The following BNC2 variants were observed in gnomAD, a reference collection of about 807,000 sequenced individuals.
BNC2 encodes basonuclin zinc finger protein 2, also known as zinc finger protein basonuclin-2.
BNC2 carries 20 observed loss-of-function variants against 76.3 expected under a neutral mutation model. That is an observed-to-expected ratio of 0.26 (90% confidence interval 0.18 to 0.38). The LOEUF is 0.38. BNC2 is among the 10% of genes least tolerant of loss of function. The probability of loss-of-function intolerance (pLI) is 1.00; values close to 1 mark genes in which losing one functional copy is unlikely to be tolerated. For missense variants in BNC2, 1,382 were observed against 1,399.8 expected (o/e 0.99, Z 0.20); for synonymous variants, 582 against 514.8 (o/e 1.13, Z -1.77).
chr9:16,490,608 C>T (rs537026039), intron 5 of BNC2, among the ~76,000 whole-genome samples: 2 of 152,224 alleles, frequency 1.3e-5, no homozygotes, highest in Non-Finnish European at 2.9e-5. Flanking sequence ...AAGGACACAT[C>T]TGTTTTCCAT....
chr9:16,733,841 G>A (rs1008193528), intron 2 of BNC2, among the ~76,000 whole-genome samples: 4 of 150,988 alleles, frequency 2.6e-5, no homozygotes, highest in South Asian at 2.1e-4. Context: ...CCGAGATCAC[G>A]CCACTGCACT....
At chr9:16,560,134 G>A (rs929827490) in intron 4 of BNC2, among the ~76,000 whole-genome samples, 5 of 152,176 alleles carry the variant, frequency 3.3e-5, no homozygotes, top group Non-Finnish European at 7.3e-5. Flanking sequence ...CAGAGTTTCT[G>A]ATTCACTGGG....
At chr9:16,527,666 G>T (rs1238594834) in intron 5 of BNC2, among the ~76,000 whole-genome samples, 2 of 152,114 alleles carry the variant, frequency 1.3e-5, no homozygotes, top group African/African-American at 4.8e-5. Flanking sequence ...ATGGTGACAG[G>T]TACACTACCT....
rs144463382 is a variant in BNC2, at chr9:16,529,534, A to C, written c.669+22996T>G. ...AAACCAATAACACATATTTAAAAGG[A>C]AGCTTTGATATATTTTGACATCTTC... On this transcript the variant is annotated intron_variant, in intron 5 of 6. Transcript: ENST00000380672. 1.5e-4 allele frequency among the ~76,000 whole-genome samples: 23 copies of C among 152,288 alleles called. No homozygotes were observed. The East Asian group carries it at 4.2e-3, about 28-fold the overall frequency.
rs1820990711 is a variant in BNC2 at position 16,435,578 on chromosome 9, G to C, written c.2616C>G (p.Phe872Leu). 1 of 1,614,048 alleles carries C rather than the reference G, an allele frequency of 6.2e-7. No homozygotes were observed. Among genetic ancestry groups the C allele is most frequent in the Non-Finnish European group, 8.5e-7 (1 of 1,180,018 alleles). The change falls in exon 6 of 7, where the codon TTC (phenylalanine) becomes TTG (leucine). Residue 872 changes from phenylalanine (F) to leucine (L), a missense_variant. Phe to Leu is a conservative substitution (Grantham distance 22, BLOSUM62 0). Transcript: ENST00000380672. ...ACCTGTCTCGGCTTCGGCGAGAGGG[G>C]AATGCAGCATTGCAACCAGCCACTG... ...VCTVAGCNAA[F>L]PSRRSRDRHS...
At chr9:16,441,962 C>T (rs976992214) in intron 5 of BNC2, among the ~76,000 whole-genome samples, 7 of 152,182 alleles carry the variant, frequency 4.6e-5, no homozygotes, top group African/African-American at 1.7e-4. Context: ...CCAACTCATG[C>T]TGGGCCACTG....
intron 4 of BNC2, among the ~76,000 whole-genome samples, chr9:16,565,559 C>T (rs1750985952): frequency 6.6e-6 from 1 of 152,068 alleles, no homozygotes; most frequent in Non-Finnish European, 1.5e-5. Context: ...GCCTGTAATC[C>T]AGCACTCTGG....
intron 3 of BNC2, among the ~76,000 whole-genome samples, chr9:16,671,818 G>T (rs906375194): frequency 6.6e-6 from 1 of 152,194 alleles, no homozygotes; most frequent in Non-Finnish European, 1.5e-5. Context: ...GTTCTGAAAG[G>T]CTTACAGAAA....
chr9:16,791,196 G>C (rs1185523702), intron 1 of BNC2, among the ~76,000 whole-genome samples: 1 of 151,964 alleles, frequency 6.6e-6, no homozygotes, highest in African/African-American at 2.4e-5. Flanking sequence ...CGAGTAGCTG[G>C]GACTACAGGC....
At chr9:16,661,486 G>GT (rs1822109643) in intron 3 of BNC2, among the ~76,000 whole-genome samples, 2 of 151,926 alleles carry the variant, frequency 1.3e-5, no homozygotes, top group South Asian at 4.2e-4. Context: ...GCTAAGGTAT[G>GT]TATTATAGAA....
chr9:16,537,794 C>A (rs2132313543), intron 5 of BNC2, among the ~76,000 whole-genome samples: 1 of 152,306 alleles, frequency 6.6e-6, no homozygotes, highest in African/African-American at 2.4e-5. Flanking sequence ...GAAACCACAA[C>A]TTATGCTCAG....
chr9:16,760,259 CA>C (rs1165171462), intron 1 of BNC2, among the ~76,000 whole-genome samples: 1 of 152,134 alleles, frequency 6.6e-6, no homozygotes, highest in Admixed American at 6.5e-5. Context: ...CACTGCTGTT[CA>C]GCAACTCTCA....
At chr9:16,559,762 C>T (rs374224302) in intron 4 of BNC2, among the ~76,000 whole-genome samples, 19 of 152,338 alleles carry the variant, frequency 1.2e-4, no homozygotes, top group African/African-American at 4.3e-4. Context: ...CACCACTCCT[C>T]CTAAAATGCT....
chr9:16,804,380 C>T (rs1016075050), intron 1 of BNC2, among the ~76,000 whole-genome samples: 1 of 152,182 alleles, frequency 6.6e-6, no homozygotes, highest in Non-Finnish European at 1.5e-5. Context: ...AACTGACTTC[C>T]TCGTGGTCAC....
At chr9:16,869,161 T>C (rs997956255) in intron 1 of BNC2, among the ~76,000 whole-genome samples, 4 of 152,180 alleles carry the variant, frequency 2.6e-5, no homozygotes, top group Non-Finnish European at 4.4e-5. Flanking sequence ...ATATTTAATA[T>C]TGTTGTGATG....
chr9:16,809,960 T>A (rs17743593), intron 1 of BNC2, among the ~76,000 whole-genome samples: 1 of 152,168 alleles, frequency 6.6e-6, no homozygotes, highest in Non-Finnish European at 1.5e-5. Context: ...CCATGGTCCA[T>A]TGATGGTCCT....
In BNC2 at chr9:16,430,295, C is replaced by A. The variant is rs929340259; in HGVS notation, c.2639+5260G>T. On this transcript the variant is annotated intron_variant, in intron 6 of 6. Transcript: ENST00000380672. ...AAATGGAGACTTGTAGTTTGATTGG[C>A]AATGAAATGAAACAGCTAATGCTTT... Among the ~76,000 whole-genome samples, 4 of 152,218 alleles carry A rather than the reference C, an allele frequency of 2.6e-5. No individual in the cohort carries two copies. The East Asian group carries it at 7.7e-4, about 29-fold the overall frequency.
At chr9:16,504,047 C>T (rs188298173) in intron 5 of BNC2, among the ~76,000 whole-genome samples, 8 of 152,144 alleles carry the variant, frequency 5.3e-5, no homozygotes, top group Admixed American at 5.2e-4. Flanking sequence ...ACAGGCAAGT[C>T]GGAATCCATA....
chr9:16,536,787 G>A (rs1456205707), intron 5 of BNC2, among the ~76,000 whole-genome samples: 1 of 152,038 alleles, frequency 6.6e-6, no homozygotes, highest in African/African-American at 2.4e-5. Context: ...GGAAATAAGA[G>A]AAAATTATGG....
Sources: allele counts gnomAD v4.1 joint callset (sites outside exome capture counted in the v4.1 genomes callset), GRCh38; gene constraint gnomAD v4.1.1; transcripts MANE v1.5; gene names NCBI Gene and HGNC (gene_info 2026-07-23, HGNC 2026-07-21).